Variants in JARID2 observed in about 807,000 individuals in gnomAD.
The protein encoded by JARID2 is jumonji and AT-rich interaction domain containing 2, also known as protein Jumonji.
A neutral mutation model predicts 125.6 loss-of-function variants in JARID2; 21 were observed. The ratio of observed to expected loss-of-function variants is 0.17; its 90% confidence interval spans 0.12 to 0.24. The LOEUF is 0.24. Among genes scored for constraint, JARID2 ranks in the 10% least tolerant of loss-of-function variants. JARID2 has a pLI of 1.00. For synonymous variants in JARID2, 736 were observed against 661.6 expected (o/e 1.11, Z -1.73); for missense variants, 1,303 against 1,639.6 (o/e 0.79, Z 3.55).
At chr6:15,247,462 G>A in intron 1 of JARID2, 1 of 983,090 alleles carries the variant, frequency 1.0e-6, no homozygotes, top group Non-Finnish European at 1.2e-6. Context: ...GGAGGAAAGG[G>A]GGACCGAGGG....
chr6:15,420,420 A>T (rs920362746), intron 3 of JARID2, among the ~76,000 whole-genome samples: 2 of 151,410 alleles, frequency 1.3e-5, no homozygotes, highest in African/African-American at 2.4e-5. Context: ...AAAAGAAGTT[A>T]GATTTTGGTC....
At chr6:15,295,357 G>A (rs541976050) in intron 1 of JARID2, among the ~76,000 whole-genome samples, 190 of 152,110 alleles carry the variant, frequency 1.2e-3, no homozygotes, top group African/African-American at 4.2e-3. Flanking sequence ...TCCTGACCTC[G>A]TGATCCGCCT....
chr6:15,288,026 G>T (rs571408114), intron 1 of JARID2, among the ~76,000 whole-genome samples: 5 of 152,304 alleles, frequency 3.3e-5, no homozygotes, highest in Admixed American at 1.3e-4. Context: ...AACAAAGCTT[G>T]TGAGAAAAGC....
intron 2 of JARID2, chr6:15,401,019 T>G (rs1300860053): frequency 5.4e-6 from 7 of 1,289,226 alleles, no homozygotes; most frequent in Non-Finnish European, 7.1e-6. Flanking sequence ...GGATAGAAGG[T>G]CTGTTCCTAT....
At chr6:15,417,760 C>T (rs1766299288) in intron 3 of JARID2, among the ~76,000 whole-genome samples, 2 of 152,034 alleles carry the variant, frequency 1.3e-5, no homozygotes, top group South Asian at 2.1e-4. Flanking sequence ...ACTAAATAAG[C>T]GAATAAATAA....
rs115172341 is a variant in JARID2, at chr6:15,296,080, A to G, written c.45+49496A>G. On this transcript the variant is annotated intron_variant, in intron 1 of 17. Coordinates refer to ENST00000341776, the MANE Select transcript of JARID2 (RefSeq NM_004973.4). The stretch of plus-strand genomic sequence containing the variant: ...CAAAAGTATTTCGGTAATTTTTTCA[A>G]CCTCCTTTATTTTGTGATCTTGCTT... Among the ~76,000 whole-genome samples, 403 of 152,246 alleles carry G rather than the reference A, an allele frequency of 2.6e-3. 4 individuals are homozygous for G. The highest frequency in any genetic ancestry group is 8.8e-3 in the African/African-American group (367 of 41,530).
chr6:15,315,991 A>T (rs1762167256), intron 1 of JARID2, among the ~76,000 whole-genome samples: 1 of 151,822 alleles, frequency 6.6e-6, no homozygotes, highest in Non-Finnish European at 1.5e-5. Context: ...GAAAGAACAC[A>T]GTTTACACGA....
chr6:15,354,704 C>T (rs529529343), intron 1 of JARID2, among the ~76,000 whole-genome samples: 12 of 152,216 alleles, frequency 7.9e-5, no homozygotes, highest in African/African-American at 2.9e-4. Context: ...TACAGTATAT[C>T]GAATGCTACT....
At chr6:15,485,097 T>G (rs376671052) in intron 5 of JARID2, among the ~76,000 whole-genome samples, 3 of 152,222 alleles carry the variant, frequency 2.0e-5, no homozygotes, top group East Asian at 1.9e-4. Context: ...TGCCAGCCAT[T>G]TGAAACTCTC....
intron 3 of JARID2, among the ~76,000 whole-genome samples, chr6:15,442,083 T>G (rs1240822804): frequency 3.3e-5 from 5 of 152,030 alleles, no homozygotes; most frequent in Non-Finnish European, 7.4e-5. Flanking sequence ...TAGAATACAA[T>G]TTCTTCTTAT....
chr6:15,484,837 T>G (rs1769791066), intron 5 of JARID2, among the ~76,000 whole-genome samples: 1 of 152,110 alleles, frequency 6.6e-6, no homozygotes, highest in African/African-American at 2.4e-5. Flanking sequence ...CAGAGAAGTT[T>G]GGAGGAGTAT....
chr6:15,247,485 T>C (rs1759225639), intron 1 of JARID2: 1 of 983,788 alleles, frequency 1.0e-6, no homozygotes, highest in African/African-American at 1.8e-5. Context: ...TAACCAAATA[T>C]GCACTCGAGT....
chr6:15,377,046 G>T (rs1048326388), intron 2 of JARID2, among the ~76,000 whole-genome samples: 9 of 152,084 alleles, frequency 5.9e-5, no homozygotes, highest in African/African-American at 2.2e-4. Flanking sequence ...AGTTTGAGTG[G>T]ATACTTTATA....
At chr6:15,253,618 G>A (rs1046406575) in intron 1 of JARID2, among the ~76,000 whole-genome samples, 1 of 148,752 alleles carries the variant, frequency 6.7e-6, no homozygotes, top group Non-Finnish European at 1.5e-5. Context: ...TGGGTTTCTG[G>A]TTTTTTTTTT....
chr6:15,291,221 C>T (rs1419276400), intron 1 of JARID2, among the ~76,000 whole-genome samples: 1 of 152,024 alleles, frequency 6.6e-6, no homozygotes, highest in Non-Finnish European at 1.5e-5. Flanking sequence ...GGTAATAGAG[C>T]GAGACCCTGT....
intron 16 of JARID2, among the ~76,000 whole-genome samples, chr6:15,516,813 G>A (rs972097648): frequency 2.0e-5 from 3 of 152,126 alleles, no homozygotes; most frequent in Non-Finnish European, 4.4e-5. Flanking sequence ...TGAGAAATAC[G>A]CACCCCTCAC....
At chr6:15,348,068 C>T (rs1763300943) in intron 1 of JARID2, among the ~76,000 whole-genome samples, 1 of 151,440 alleles carries the variant, frequency 6.6e-6, no homozygotes, top group African/African-American at 2.4e-5. Context: ...TTTTATTTTT[C>T]TTATAATTAT....
intron 2 of JARID2, among the ~76,000 whole-genome samples, chr6:15,401,935 A>G (rs1251274076): frequency 7.2e-6 from 1 of 138,372 alleles, no homozygotes; most frequent in African/African-American, 2.8e-5. Flanking sequence ...TGAATGGACT[A>G]CTTAATCCTC....
intron 1 of JARID2, among the ~76,000 whole-genome samples, chr6:15,322,550 A>G (rs776781101): frequency 6.6e-6 from 1 of 152,208 alleles, no homozygotes; most frequent in Non-Finnish European, 1.5e-5. Context: ...CCTACCCTGC[A>G]AGGATTTAAT....
Sources: gnomAD v4.1 joint callset for allele counts (sites outside exome capture counted in the v4.1 genomes callset) on GRCh38, gnomAD v4.1.1 for gene constraint, MANE v1.5 for transcripts, NCBI Gene and HGNC (gene_info 2026-07-23, HGNC 2026-07-21) for gene names.